The following GRIA1 variants were observed in gnomAD, a reference collection of about 807,000 sequenced individuals.
GRIA1 encodes the protein glutamate ionotropic receptor AMPA type subunit 1.
GRIA1 carries 31 observed loss-of-function variants against 99.2 expected under a neutral mutation model. That is an observed-to-expected ratio of 0.31 (90% confidence interval 0.23 to 0.42). The LOEUF (loss-of-function observed/expected upper bound fraction) is 0.42, where lower values mean the gene tolerates loss of function less well. Among genes scored for constraint, GRIA1 ranks in the 10% least tolerant of loss-of-function variants. The pLI is 1.00. For synonymous variants in GRIA1, 438 were observed against 432.4 expected (o/e 1.01, Z -0.16); for missense variants, 782 against 1,157.5 (o/e 0.68, Z 4.71).
In GRIA1 at chr5:153,647,083, C is replaced by T. The variant is rs777000021; in HGVS notation, c.376C>T (p.Arg126Cys). 26 of 1,613,780 alleles carry T rather than the reference C, an allele frequency of 1.6e-5. No homozygotes were observed. The highest frequency in any genetic ancestry group is 1.9e-5 in the Non-Finnish European group (23 of 1,179,902). The change falls in exon 3 of 16, where the codon CGC (arginine) becomes TGC (cysteine). Residue 126 changes from arginine to cysteine, a missense_variant. Physicochemically the swap from Arg to Cys is radical, Grantham distance 180. Transcript: ENST00000285900. Reference protein sequence around the residue: ...DTSNQFVLQLRPELQDALISI... With the variant: ...DTSNQFVLQLCPELQDALISI... ...ATCCAATCAGTTTGTCCTTCAGCTG[C>T]GCCCTGAACTGCAGGATGCCCTCAT...
At chr5:153,695,671 A>G (rs183451724) in intron 8 of GRIA1, among the ~76,000 whole-genome samples, 5 of 152,348 alleles carry the variant, frequency 3.3e-5, no homozygotes, top group Admixed American at 1.3e-4. Context: ...CATTCTAGAA[A>G]CGTGAGTTTC....
chr5:153,594,518 T>A (rs1764255734), intron 2 of GRIA1, among the ~76,000 whole-genome samples: 1 of 152,204 alleles, frequency 6.6e-6, no homozygotes, highest in African/African-American at 2.4e-5. Flanking sequence ...CTATTCATAC[T>A]CTAGAATGAG....
At chr5:153,719,909 A>G (rs1182316119) in intron 11 of GRIA1, among the ~76,000 whole-genome samples, 2 of 152,230 alleles carry the variant, frequency 1.3e-5, no homozygotes, top group Non-Finnish European at 2.9e-5. Context: ...CTGACATGTA[A>G]TAAGTGCTCA....
chr5:153,797,283 C>T (rs1032361718), intron 14 of GRIA1, among the ~76,000 whole-genome samples: 1 of 152,130 alleles, frequency 6.6e-6, no homozygotes, highest in African/African-American at 2.4e-5. Flanking sequence ...ATGTGTGGTC[C>T]AAGATAACAT....
intron 2 of GRIA1, among the ~76,000 whole-genome samples, chr5:153,522,693 C>T (rs72800734): frequency 0.069 from 10,576 of 152,188 alleles, 450 homozygotes; most frequent in South Asian, 0.14. Flanking sequence ...CACCCTGGCT[C>T]TAAAGCCTTA....
At chr5:153,509,736 C>T (rs182779240) in intron 2 of GRIA1, among the ~76,000 whole-genome samples, 1 of 152,298 alleles carries the variant, frequency 6.6e-6, no homozygotes, top group African/African-American at 2.4e-5. Context: ...AGTAATCATA[C>T]ACTCCTTTTA....
intron 11 of GRIA1, among the ~76,000 whole-genome samples, chr5:153,727,066 G>A (rs376622368): frequency 6.6e-6 from 1 of 152,118 alleles, no homozygotes; most frequent in African/African-American, 2.4e-5. Flanking sequence ...TCCCTGGGAT[G>A]CAAGGCTGGT....
At chr5:153,544,988 T>C (rs1759474607) in intron 2 of GRIA1, among the ~76,000 whole-genome samples, 1 of 152,234 alleles carries the variant, frequency 6.6e-6, no homozygotes, top group South Asian at 2.1e-4. Context: ...GATTTTTTTC[T>C]AACCTTTAGC....
intron 5 of GRIA1, among the ~76,000 whole-genome samples, chr5:153,661,872 G>A (rs908158676): frequency 2.0e-5 from 3 of 152,184 alleles, no homozygotes; most frequent in Non-Finnish European, 2.9e-5. Flanking sequence ...TAGAGAGCCA[G>A]AATCTCCTCT....
chr5:153,523,646 C>T (rs1324114617), intron 2 of GRIA1, among the ~76,000 whole-genome samples: 3 of 152,156 alleles, frequency 2.0e-5, no homozygotes, highest in Admixed American at 6.5e-5. Context: ...GCCATGTTCT[C>T]GAGCTCCTTG....
chr5:153,743,896 T>C (rs1761979251), intron 11 of GRIA1, among the ~76,000 whole-genome samples: 1 of 152,184 alleles, frequency 6.6e-6, no homozygotes, highest in Admixed American at 6.5e-5. Context: ...CTCATGCTCA[T>C]TGGACATATG....
intron 11 of GRIA1, among the ~76,000 whole-genome samples, chr5:153,726,489 A>T (rs12654700): frequency 8.7e-5 from 13 of 148,934 alleles, no homozygotes; most frequent in South Asian, 4.5e-4. Flanking sequence ...TTGATAGACC[A>T]CTAGCAAGAC....
chr5:153,793,058 G>T (rs552648025), intron 13 of GRIA1, among the ~76,000 whole-genome samples: 1 of 152,342 alleles, frequency 6.6e-6, no homozygotes, highest in East Asian at 1.9e-4. Context: ...AAAGGTAACG[G>T]TTATAGTAAT....
At chr5:153,678,476 T>C (rs1338773671) in intron 7 of GRIA1, among the ~76,000 whole-genome samples, 2 of 152,152 alleles carry the variant, frequency 1.3e-5, no homozygotes. Flanking sequence ...CTGGTCCCTG[T>C]GCAGGGTGGC....
At chr5:153,664,703 C>T (rs139425408) in intron 5 of GRIA1, among the ~76,000 whole-genome samples, 73 of 152,234 alleles carry the variant, frequency 4.8e-4, no homozygotes, top group African/African-American at 1.8e-3. Flanking sequence ...TAGCATGGGC[C>T]TGACAGTGTT....
At chr5:153,663,637 C>T (rs1038680050) in intron 5 of GRIA1, among the ~76,000 whole-genome samples, 1 of 152,202 alleles carries the variant, frequency 6.6e-6, no homozygotes, top group Non-Finnish European at 1.5e-5. Flanking sequence ...CTAACTCTGT[C>T]ACTTACTCAT....
rs73287714 is a variant in GRIA1, at chr5:153,629,161, C to T, written c.221-17767C>T. On this transcript the variant is annotated intron_variant, in intron 2 of 15. Coordinates refer to ENST00000285900, the MANE Select transcript of GRIA1 (RefSeq NM_000827.4). Reference sequence around the variant, plus strand: ...TTGCATGCCCTTTCTGCTTTTCTTCCGCAGACTTAGGCTGTGAGGAGGGCA... The same window carrying T: ...TTGCATGCCCTTTCTGCTTTTCTTCTGCAGACTTAGGCTGTGAGGAGGGCA... 3.3e-3 allele frequency among the ~76,000 whole-genome samples: 503 copies of T among 152,302 alleles called. 4 individuals are homozygous for T. Among genetic ancestry groups the T allele is most frequent in the African/African-American group, 0.011 (461 of 41,568 alleles).
chr5:153,725,084 G>A (rs1480788979), intron 11 of GRIA1, among the ~76,000 whole-genome samples: 4 of 152,224 alleles, frequency 2.6e-5, no homozygotes, highest in African/African-American at 4.8e-5. Context: ...GCGACTGGGG[G>A]CCAATATTCA....
chr5:153,716,017 C>T (rs1361591876), intron 11 of GRIA1, among the ~76,000 whole-genome samples: 1 of 152,122 alleles, frequency 6.6e-6, no homozygotes, highest in Non-Finnish European at 1.5e-5. Flanking sequence ...TAAAAGGAAC[C>T]AGAAAATAAA....
Sources: allele counts gnomAD v4.1 joint callset (sites outside exome capture counted in the v4.1 genomes callset), GRCh38; gene constraint gnomAD v4.1.1; transcripts MANE v1.5; gene names NCBI Gene and HGNC (gene_info 2026-07-23, HGNC 2026-07-21).